Variants in POC1B observed in about 807,000 individuals in gnomAD.
POC1B encodes POC1 centriolar protein B.
In POC1B, 44 loss-of-function variants were observed where a neutral mutation model predicts 60.6. The observed-to-expected ratio is 0.73, with a 90% CI of 0.57 to 0.93. POC1B has a LOEUF of 0.93. Ranked by LOEUF, POC1B falls within the 40% of genes least tolerant of loss-of-function variation. The pLI is 0.00. For synonymous variants in POC1B, 180 were observed against 198.9 expected, an observed-to-expected ratio of 0.90 and a Z score of 0.80; for missense variants, 555 against 572.3, an observed-to-expected ratio of 0.97 and a Z score of 0.31.
intron 2 of POC1B, chr12:89,522,245 C>G (rs1036669637): frequency 5.0e-6 from 2 of 398,234 alleles, no homozygotes; most frequent in African/African-American, 4.1e-5. Flanking sequence ...AACAAATGCC[C>G]TCTTCCAATT....
downstream of POC1B, among the ~76,000 whole-genome samples, chr12:89,418,858 T>C (rs1294105291): frequency 2.0e-5 from 3 of 152,160 alleles, no homozygotes; most frequent in Non-Finnish European, 4.4e-5. Flanking sequence ...ACCTCTTTTC[T>C]TTATAAATTA....
chr12:89,408,451 C>A, the POC1B span, among the ~76,000 whole-genome samples: 2 of 151,518 alleles, frequency 1.3e-5, no homozygotes, highest in Admixed American at 1.3e-4. Flanking sequence ...TATTTCTCCA[C>A]AACTGCTCCA....
chr12:89,454,040 G>C (rs994914249), intron 10 of POC1B, among the ~76,000 whole-genome samples: 5 of 152,176 alleles, frequency 3.3e-5, no homozygotes. Context: ...TTTAGGAAGG[G>C]AGTGTGCTTC....
intron 10 of POC1B, chr12:89,428,469 A>G (rs1880868636): frequency 6.6e-6 from 1 of 152,104 alleles, no homozygotes; most frequent in Admixed American, 6.6e-5. Flanking sequence ...CTAGACTACT[A>G]TGTTTACTCT....
At chr12:89,449,955 T>C (rs932614879) in intron 10 of POC1B, among the ~76,000 whole-genome samples, 1 of 152,156 alleles carries the variant, frequency 6.6e-6, no homozygotes, top group Non-Finnish European at 1.5e-5. Context: ...TTGTTAACTA[T>C]AAATCTGTAC....
intron 10 of POC1B, among the ~76,000 whole-genome samples, chr12:89,441,544 G>A (rs1366393111): frequency 4.6e-5 from 7 of 152,176 alleles, no homozygotes. Context: ...CAGACCTGCA[G>A]CTGAGGGTCC....
the POC1B span, among the ~76,000 whole-genome samples, chr12:89,410,635 C>T: frequency 1.5e-4 from 23 of 150,524 alleles, no homozygotes; most frequent in African/African-American, 4.6e-4. Context: ...AGCCGAGATC[C>T]GCCACTGCAC....
intron 2 of POC1B, among the ~76,000 whole-genome samples, chr12:89,515,477 C>T (rs1197317902): frequency 2.0e-5 from 3 of 152,034 alleles, no homozygotes; most frequent in African/African-American, 7.2e-5. Context: ...AAAGATAAAG[C>T]AGGAAGTTTT....
At chr12:89,474,976 A>G (rs1177245664) in intron 4 of POC1B, among the ~76,000 whole-genome samples, 3 of 152,126 alleles carry the variant, frequency 2.0e-5, no homozygotes, top group Admixed American at 6.5e-5. Context: ...TTCCCTGAGC[A>G]CTTGTCAGTA....
Position 89,446,782 on chromosome 12 carries a change from G to A in POC1B, c.1113+12856C>T, listed in dbSNP as rs751164676. ...ATAGGAAAGATTATATAAATTAATT[G>A]CTGGATGAAACAGCTAGAACATGTG... On this transcript the variant is annotated intron_variant, in intron 10 of 11. Coordinates refer to ENST00000313546, the MANE Select transcript of POC1B (RefSeq NM_172240.3). Among the ~76,000 whole-genome samples the A allele has an allele frequency of 4.6e-4, 70 of 151,752 alleles. 1 individual carries two copies. In the Middle Eastern group the frequency reaches 0.014, roughly 29 times the overall value.
At chr12:89,423,706 T>C (rs1880640298) in intron 11 of POC1B, among the ~76,000 whole-genome samples, 1 of 152,210 alleles carries the variant, frequency 6.6e-6, no homozygotes, top group Non-Finnish European at 1.5e-5. Context: ...TTTGCAAGTG[T>C]GTTGTGCCTG....
At chr12:89,485,717 A>G (rs1454925343) in intron 4 of POC1B, among the ~76,000 whole-genome samples, 1 of 152,226 alleles carries the variant, frequency 6.6e-6, no homozygotes, top group Non-Finnish European at 1.5e-5. Flanking sequence ...TGCATGCACC[A>G]GTACTCCTGG....
intron 2 of POC1B, chr12:89,523,017 A>C: frequency 6.2e-7 from 1 of 1,613,774 alleles, no homozygotes; most frequent in Non-Finnish European, 8.5e-7. Context: ...TTCCCACATA[A>C]TTTTTTTGCT....
chr12:89,500,202 T>G (rs1869482886), intron 2 of POC1B: 1 of 1,598,594 alleles, frequency 6.3e-7, no homozygotes, highest in Non-Finnish European at 8.5e-7. Context: ...GTTCTGGAAA[T>G]CTTACAAGAC....
chr12:89,494,776 C>T (rs1201425199), intron 3 of POC1B, among the ~76,000 whole-genome samples: 2 of 152,116 alleles, frequency 1.3e-5, no homozygotes, highest in African/African-American at 2.4e-5. Flanking sequence ...GCTGGAGAGA[C>T]GGCACATGGA....
chr12:89,431,992 T>C (rs796612765), intron 10 of POC1B, among the ~76,000 whole-genome samples: 2 of 152,324 alleles, frequency 1.3e-5, no homozygotes, highest in African/African-American at 4.8e-5. Context: ...TTAATTGTTA[T>C]ATCTTCTCTA....
intron 10 of POC1B, 21 bp from the exon 11 acceptor site, chr12:89,425,400 T>C (rs755245594): frequency 1.1e-5 from 17 of 1,580,516 alleles, no homozygotes; most frequent in Non-Finnish European, 1.5e-5. Context: ...ACAGAAAATG[T>C]AGGAAGAGTT....
chr12:89,452,877 AT>A (rs1465473824), intron 10 of POC1B, among the ~76,000 whole-genome samples: 1 of 151,972 alleles, frequency 6.6e-6, no homozygotes, highest in Admixed American at 6.6e-5. Context: ...TCCCAAATCA[AT>A]TTTTTTTAAA....
chr12:89,486,882 CTCTT>C lies in POC1B; in HGVS notation c.452+5050_452+5053del, dbSNP rs202166117. ...GGAAAAGGCAATTTTTAAAAACTCTCTCTTTCTCTCTCTCTCTCTCTCACACACA... is the reference window on the plus strand; with the variant it reads ...GGAAAAGGCAATTTTTAAAAACTCTCTCTCTCTCTCTCTCTCTCACACACA... On this transcript the variant is annotated intron_variant, in intron 4 of 11. Transcript: ENST00000313546. Among the ~76,000 whole-genome samples the C allele has an allele frequency of 1.1e-3, 163 of 151,876 alleles. 3 individuals carry two copies. In the East Asian group the frequency reaches 0.027, roughly 25 times the overall value.
Sources: gnomAD v4.1 joint callset for allele counts (sites outside exome capture counted in the v4.1 genomes callset) on GRCh38, gnomAD v4.1.1 for gene constraint, MANE v1.5 for transcripts, NCBI Gene and HGNC (gene_info 2026-07-23, HGNC 2026-07-21) for gene names.